The following ERC2 variants were observed in gnomAD, a reference collection of about 807,000 sequenced individuals.
ERC2 encodes ERC protein 2.
ERC2 carries 42 observed loss-of-function variants against 114.8 expected under a neutral mutation model. That is an observed-to-expected ratio of 0.37 (90% confidence interval 0.29 to 0.47). The LOEUF (loss-of-function observed/expected upper bound fraction) is 0.47. Ranked by LOEUF, ERC2 falls within the 20% of genes least tolerant of loss-of-function variation. ERC2 has a pLI of 0.99. For missense variants in ERC2, 939 were observed against 1,150.7 expected, an observed-to-expected ratio of 0.82 and a Z score of 2.66; for synonymous variants, 454 against 425.5, an observed-to-expected ratio of 1.07 and a Z score of -0.82.
intron 3 of ERC2, among the ~76,000 whole-genome samples, chr3:56,275,024 T>G (rs2053902720): frequency 6.6e-6 from 1 of 152,196 alleles, no homozygotes; most frequent in South Asian, 2.1e-4. Context: ...TACATTTAGC[T>G]GCCATCAACT....
chr3:55,741,657 A>G (rs2065968186), intron 14 of ERC2, among the ~76,000 whole-genome samples: 1 of 152,172 alleles, frequency 6.6e-6, no homozygotes, highest in Non-Finnish European at 1.5e-5. Context: ...AGTATATACC[A>G]AAGGCTTGCA....
intron 17 of ERC2, among the ~76,000 whole-genome samples, chr3:55,612,269 C>T (rs550806021): frequency 9.8e-4 from 149 of 152,320 alleles, no homozygotes; most frequent in African/African-American, 3.5e-3. Flanking sequence ...AAGGTGGCTC[C>T]ACTTACACCA....
Position 56,042,760 on chromosome 3 carries a change from T to A in ERC2, c.1642-23729A>T, listed in dbSNP as rs187203694. 8.7e-4 allele frequency among the ~76,000 whole-genome samples: 133 copies of A among 152,220 alleles called. 1 individual carries two copies. The highest frequency in any genetic ancestry group is 3.1e-3 in the African/African-American group (128 of 41,510). On this transcript the variant is annotated intron_variant, in intron 7 of 17. Transcript: ENST00000288221. ...TCTCGGTGCTTAACTGAATTTCAGA[T>A]CATTTATACAATTCATTTTCTCTTA... is the stretch of plus-strand genomic sequence containing the variant.
chr3:55,593,065 ATGCCATGTTG>A (rs1209817638), intron 17 of ERC2, among the ~76,000 whole-genome samples: 13 of 152,244 alleles, frequency 8.5e-5, no homozygotes, highest in Non-Finnish European at 1.3e-4. Context: ...CAAGAAAGAT[ATGCCATGTTG>A]TGCTGTGAGA....
chr3:56,195,040 AT>A (rs1210771878), intron 3 of ERC2, among the ~76,000 whole-genome samples: 2 of 152,222 alleles, frequency 1.3e-5, no homozygotes, highest in Admixed American at 1.3e-4. Flanking sequence ...GAATTTACAA[AT>A]TAGACACAGT....
At chr3:56,045,557 C>T (rs1253872357) in intron 7 of ERC2, among the ~76,000 whole-genome samples, 1 of 152,172 alleles carries the variant, frequency 6.6e-6, no homozygotes, top group Admixed American at 6.6e-5. Flanking sequence ...TCTTACCTAG[C>T]ATTCTGACGA....
At chr3:55,564,144 G>T (rs1262366751) in intron 17 of ERC2, among the ~76,000 whole-genome samples, 1 of 152,162 alleles carries the variant, frequency 6.6e-6, no homozygotes, top group African/African-American at 2.4e-5. Context: ...CATCCTATAG[G>T]ATTTCCCTGC....
chr3:56,001,253 T>G (rs1576515811), intron 10 of ERC2, among the ~76,000 whole-genome samples: 1 of 152,212 alleles, frequency 6.6e-6, no homozygotes, highest in African/African-American at 2.4e-5. Flanking sequence ...ATTATTTCTG[T>G]GCCGTGAGAT....
At chr3:56,266,265 G>C (rs1365053802) in intron 3 of ERC2, among the ~76,000 whole-genome samples, 1 of 150,138 alleles carries the variant, frequency 6.7e-6, no homozygotes, top group Non-Finnish European at 1.5e-5. Flanking sequence ...CGAGTAGCTG[G>C]GACTACAGGC....
chr3:55,997,993 G>A (rs1241770217), intron 10 of ERC2, among the ~76,000 whole-genome samples: 1 of 127,962 alleles, frequency 7.8e-6, no homozygotes, highest in African/African-American at 3.0e-5. Context: ...TCCAACTCCT[G>A]AGCTCAAGTG....
At chr3:55,740,996 T>C (rs74941255) in intron 14 of ERC2, among the ~76,000 whole-genome samples, 2,652 of 152,208 alleles carry the variant, frequency 0.017, 61 homozygotes, top group East Asian at 0.1. Flanking sequence ...AAATATGAAA[T>C]CTGAAATACT....
At chr3:56,363,664 T>C (rs1446834739) in intron 2 of ERC2, among the ~76,000 whole-genome samples, 1 of 152,198 alleles carries the variant, frequency 6.6e-6, no homozygotes, top group Non-Finnish European at 1.5e-5. Flanking sequence ...ATTTAATCTA[T>C]CAATGTAACT....
chr3:55,868,207 T>C (rs1211800833), intron 14 of ERC2, among the ~76,000 whole-genome samples: 1 of 152,146 alleles, frequency 6.6e-6, no homozygotes, highest in Non-Finnish European at 1.5e-5. Context: ...ACGAGTGTGG[T>C]GTGTGGACCA....
intron 17 of ERC2, among the ~76,000 whole-genome samples, chr3:55,674,422 C>G (rs1425360064): frequency 2.0e-5 from 3 of 152,144 alleles, no homozygotes; most frequent in African/African-American, 7.2e-5. Context: ...AAAAATGATG[C>G]TTTCTCTGAA....
rs147122047 is a variant in ERC2, at chr3:56,241,664, T to A, written c.1074+54355A>T. The stretch of plus-strand genomic sequence containing the variant: ...CTATACATATGATCATAGAAACAGA[T>A]AGTTCCCCCTTCACCGAGTCTTTCC... On this transcript the variant is annotated intron_variant, in intron 3 of 17. Coordinates refer to ENST00000288221, the MANE Select transcript of ERC2 (RefSeq NM_015576.3). 5.0e-3 allele frequency among the ~76,000 whole-genome samples: 765 copies of A among 152,280 alleles called. 6 individuals are homozygous for A. Among genetic ancestry groups the A allele is most frequent in the African/African-American group, 0.018 (737 of 41,564 alleles).
chr3:55,656,292 C>T (rs1034242637), intron 17 of ERC2, among the ~76,000 whole-genome samples: 2 of 152,148 alleles, frequency 1.3e-5, no homozygotes, highest in South Asian at 2.1e-4. Flanking sequence ...GAGTACACCC[C>T]CACTTCCAAC....
chr3:55,654,175 C>T (rs1339182347), intron 17 of ERC2, among the ~76,000 whole-genome samples: 1 of 152,220 alleles, frequency 6.6e-6, no homozygotes, highest in African/African-American at 2.4e-5. Context: ...AGTCATCCTC[C>T]AAACTTGATT....
At chr3:55,912,162 T>C (rs181859556) in intron 13 of ERC2, among the ~76,000 whole-genome samples, 1 of 152,150 alleles carries the variant, frequency 6.6e-6, no homozygotes, top group East Asian at 1.9e-4. Flanking sequence ...AGAACCAGCA[T>C]AGTATGGGGT....
chr3:56,386,003 C>G (rs527415654), intron 2 of ERC2, among the ~76,000 whole-genome samples: 1 of 152,238 alleles, frequency 6.6e-6, no homozygotes, highest in Non-Finnish European at 1.5e-5. Flanking sequence ...TACTGATAGA[C>G]ATATGGCTTC....
Sources: gnomAD v4.1 joint callset for allele counts (sites outside exome capture counted in the v4.1 genomes callset) on GRCh38, gnomAD v4.1.1 for gene constraint, MANE v1.5 for transcripts, NCBI Gene and HGNC (gene_info 2026-07-23, HGNC 2026-07-21) for gene names.